SMYD3: variants seen among roughly 807,000 people sequenced by gnomAD.
SMYD3 encodes the protein SET and MYND domain containing 3, also known as histone-lysine N-methyltransferase SMYD3.
In SMYD3, 36 loss-of-function variants were observed where a neutral mutation model predicts 57.7. The observed-to-expected ratio is 0.62, with a 90% CI of 0.48 to 0.82. SMYD3 has a LOEUF of 0.82. Among genes scored for constraint, SMYD3 ranks in the 40% least tolerant of loss-of-function variants. The pLI, the probability that SMYD3 is intolerant of heterozygous loss-of-function variation, is 0.00. For synonymous variants in SMYD3, 211 were observed against 195.0 expected (o/e 1.08, Z -0.68); for missense variants, 515 against 538.8 (o/e 0.96, Z 0.44).
intron 5 of SMYD3, among the ~76,000 whole-genome samples, chr1:246,092,466 C>T (rs1163300445): frequency 6.6e-5 from 10 of 152,180 alleles, no homozygotes; most frequent in Admixed American, 5.9e-4. Flanking sequence ...TGCACATTTA[C>T]GGTCAACCCA....
intron 10 of SMYD3, among the ~76,000 whole-genome samples, chr1:245,765,045 T>TACACACACAC (rs3085339): frequency 3.0e-5 from 4 of 134,746 alleles, no homozygotes; most frequent in East Asian, 2.1e-4. Context: ...TGGAAATGCC[T>TACACACACAC]ACACACACAC....
At chr1:246,102,755 A>AAATAATAATAAT (rs1553289393) in intron 5 of SMYD3, among the ~76,000 whole-genome samples, 16 of 146,922 alleles carry the variant, frequency 1.1e-4, no homozygotes, top group African/African-American at 4.0e-4. Context: ...AAAAAAAAAA[A>AAATAATAATAAT]AATAATAATA....
intron 1 of SMYD3, among the ~76,000 whole-genome samples, chr1:246,425,166 T>C (rs922504708): frequency 1.3e-4 from 20 of 152,226 alleles, no homozygotes; most frequent in Admixed American, 1.1e-3. Context: ...AAAGTGCCAG[T>C]CCAGACTTCT....
intron 11 of SMYD3, 93 bp from the exon 12 acceptor site, chr1:245,749,757 A>C: frequency 1.1e-6 from 1 of 921,168 alleles, no homozygotes. Flanking sequence ...GGGCCTGGTG[A>C]ACCCCACAGG....
intron 2 of SMYD3, among the ~76,000 whole-genome samples, chr1:246,337,871 A>T (rs985350463): frequency 2.0e-5 from 3 of 152,240 alleles, no homozygotes; most frequent in Non-Finnish European, 4.4e-5. Context: ...GATAATGAAC[A>T]ACCGATCAGT....
chr1:245,946,419 G>A (rs1181621967), intron 5 of SMYD3, among the ~76,000 whole-genome samples: 2 of 152,116 alleles, frequency 1.3e-5, no homozygotes, highest in Non-Finnish European at 2.9e-5. Context: ...TTGTCCATGA[G>A]AGGAACATCT....
At chr1:246,228,821 T>A (rs1251278498) in intron 5 of SMYD3, among the ~76,000 whole-genome samples, 1 of 151,986 alleles carries the variant, frequency 6.6e-6, no homozygotes, top group Non-Finnish European at 1.5e-5. Flanking sequence ...GAAGCCTTCT[T>A]TTTTTTAGTA....
In SMYD3 at chr1:245,765,005, C is replaced by G. The variant is rs893479032; in HGVS notation, c.1077-856G>C. Among the ~76,000 whole-genome samples the G allele has an allele frequency of 3.3e-5, 5 of 149,634 alleles. No homozygotes were observed. The South Asian group carries it at 1.1e-3, about 32-fold the overall frequency. On this transcript the variant is annotated intron_variant, in intron 10 of 11. Transcript: ENST00000490107. ...ACCCCTACTCTTAGAGAATACTGAGCCCCCGCTGTATATGCAGAATTGTCT... is the reference window on the plus strand; with the variant it reads ...ACCCCTACTCTTAGAGAATACTGAGGCCCCGCTGTATATGCAGAATTGTCT...
chr1:246,159,161 C>T (rs1249324726), intron 5 of SMYD3, among the ~76,000 whole-genome samples: 1 of 152,158 alleles, frequency 6.6e-6, no homozygotes, highest in Non-Finnish European at 1.5e-5. Context: ...GGGGGGAAAG[C>T]ACGTGTAATA....
chr1:246,034,864 G>A (rs2059742578), intron 5 of SMYD3, among the ~76,000 whole-genome samples: 1 of 152,268 alleles, frequency 6.6e-6, no homozygotes, highest in East Asian at 1.9e-4. Context: ...ATCCCCTGCT[G>A]CCAGATCCCT....
intron 5 of SMYD3, among the ~76,000 whole-genome samples, chr1:246,007,194 G>A (rs1477757628): frequency 2.0e-5 from 3 of 152,198 alleles, no homozygotes; most frequent in African/African-American, 4.8e-5. Context: ...CCACAGGACC[G>A]TAACTTATCC....
rs1196801476 is a variant in SMYD3 at position 246,360,095 on chromosome 1, G to C, written c.165-5001C>G. On this transcript the variant is annotated intron_variant, in intron 1 of 11. Transcript: ENST00000490107. ...ACTCATCCAAAAGCTCCTCGAACTA[G>C]TACATGAATTCAGCAAAGTTTCAGG... 2.0e-5 allele frequency among the ~76,000 whole-genome samples: 3 copies of C among 152,096 alleles called. No individual in the cohort carries two copies. In the East Asian group the frequency reaches 5.8e-4, roughly 29 times the overall value.
intron 10 of SMYD3, among the ~76,000 whole-genome samples, chr1:245,844,265 G>A (rs755387289): frequency 2.6e-5 from 4 of 152,056 alleles, no homozygotes; most frequent in Non-Finnish European, 5.9e-5. Context: ...TCTCATGATG[G>A]TCATCCTCAG....
At chr1:246,360,455 T>A (rs1303385375) in intron 1 of SMYD3, among the ~76,000 whole-genome samples, 2 of 150,358 alleles carry the variant, frequency 1.3e-5, no homozygotes, top group African/African-American at 4.9e-5. Flanking sequence ...AAAAAAAAAA[T>A]CCTAAAATTC....
intron 5 of SMYD3, among the ~76,000 whole-genome samples, chr1:246,098,040 A>C (rs2147920256): frequency 6.6e-6 from 1 of 152,278 alleles, no homozygotes; most frequent in East Asian, 1.9e-4. Context: ...TAATTATTTA[A>C]AAATTACCAC....
intron 5 of SMYD3, among the ~76,000 whole-genome samples, chr1:245,959,569 G>A (rs1544151): frequency 0.13 from 20,526 of 152,078 alleles, 1,735 homozygotes; most frequent in East Asian, 0.41. Flanking sequence ...CAACTAGATG[G>A]TCTGTTAAAC....
intron 5 of SMYD3, among the ~76,000 whole-genome samples, chr1:246,187,738 T>G (rs1017721437): frequency 2.6e-5 from 4 of 152,244 alleles, no homozygotes. Flanking sequence ...AGTCATTGTT[T>G]GAATAGAAAA....
intron 5 of SMYD3, among the ~76,000 whole-genome samples, chr1:246,282,690 C>G (rs556099175): frequency 2.4e-4 from 37 of 152,206 alleles, no homozygotes; most frequent in African/African-American, 8.7e-4. Context: ...AAAAAATCTT[C>G]TGTATCAACA....
At chr1:245,821,927 G>A (rs1558387004) in intron 10 of SMYD3, among the ~76,000 whole-genome samples, 1 of 151,260 alleles carries the variant, frequency 6.6e-6, no homozygotes, top group Non-Finnish European at 1.5e-5. Context: ...GGAGAAATAG[G>A]AACACTTTTA....
Sources: gnomAD v4.1 joint callset for allele counts (sites outside exome capture counted in the v4.1 genomes callset) on GRCh38, gnomAD v4.1.1 for gene constraint, MANE v1.5 for transcripts, NCBI Gene and HGNC (gene_info 2026-07-23, HGNC 2026-07-21) for gene names.